The following E2F3 variants were observed in gnomAD, a reference collection of about 807,000 sequenced individuals.
The protein encoded by E2F3 is transcription factor E2F3.
Under a neutral mutation model 44.4 loss-of-function variants are expected in E2F3, and 11 were observed. The observed-to-expected ratio is 0.25, with a 90% CI of 0.16 to 0.41. The LOEUF (loss-of-function observed/expected upper bound fraction) is 0.41. E2F3 is among the 10% of genes least tolerant of loss of function. E2F3 has a pLI of 1.00. For synonymous variants in E2F3, 249 were observed against 253.0 expected, an observed-to-expected ratio of 0.98 and a Z score of 0.15; for missense variants, 487 against 583.6, an observed-to-expected ratio of 0.83 and a Z score of 1.70.
rs1226610718 is a variant in E2F3 at position 20,415,663 on chromosome 6, A to G, written c.393+13038A>G. On this transcript the variant is annotated intron_variant, in intron 1 of 6. Coordinates refer to ENST00000346618, the MANE Select transcript of E2F3 (RefSeq NM_001949.5). Reference sequence around the variant, plus strand: ...ATAGTACATATTTAAATTTTAAAATATGATATACATTTTAAAAGCAACGGA... The same window carrying G: ...ATAGTACATATTTAAATTTTAAAATGTGATATACATTTTAAAAGCAACGGA... Among the ~76,000 whole-genome samples, 9 of 152,342 alleles carry G rather than the reference A, an allele frequency of 5.9e-5. No homozygotes were observed. In the East Asian group the frequency reaches 1.7e-3, roughly 29 times the overall value.
At chr6:20,445,974 G>A (rs1469358946) in intron 1 of E2F3, among the ~76,000 whole-genome samples, 1 of 152,170 alleles carries the variant, frequency 6.6e-6, no homozygotes, top group Non-Finnish European at 1.5e-5. Context: ...GAGCACATTC[G>A]TACACAGCCA....
intron 1 of E2F3, among the ~76,000 whole-genome samples, chr6:20,406,774 G>T (rs1460741927): frequency 6.6e-6 from 1 of 152,130 alleles, no homozygotes; most frequent in Non-Finnish European, 1.5e-5. Context: ...AGCGGCTTTT[G>T]TTAGACCTGA....
chr6:20,425,003 G>A (rs551664877), intron 1 of E2F3, among the ~76,000 whole-genome samples: 1 of 152,326 alleles, frequency 6.6e-6, no homozygotes, highest in South Asian at 2.1e-4. Flanking sequence ...GGGTTATCAG[G>A]TGTTTCTCCA....
chr6:20,464,702 TA>T (rs2127609885), intron 1 of E2F3, among the ~76,000 whole-genome samples: 1 of 152,308 alleles, frequency 6.6e-6, no homozygotes, highest in East Asian at 1.9e-4. Context: ...CAGTACTATG[TA>T]GGGGGAGCAT....
intron 4 of E2F3, among the ~76,000 whole-genome samples, chr6:20,486,007 A>G (rs992030672): frequency 6.6e-6 from 1 of 152,138 alleles, no homozygotes; most frequent in African/African-American, 2.4e-5. Flanking sequence ...ATTCAGTTTG[A>G]GTGACAGAAC....
At chr6:20,447,952 T>C (rs945594484) in intron 1 of E2F3, among the ~76,000 whole-genome samples, 4 of 152,176 alleles carry the variant, frequency 2.6e-5, no homozygotes, top group African/African-American at 9.7e-5. Context: ...ACACAGTGGG[T>C]TAGAGCCATA....
At chr6:20,428,740 G>A (rs1364226290) in intron 1 of E2F3, among the ~76,000 whole-genome samples, 2 of 152,074 alleles carry the variant, frequency 1.3e-5, no homozygotes, top group Non-Finnish European at 2.9e-5. Context: ...AAAGAGTTAG[G>A]GGCATCTTTA....
At chr6:20,444,937 G>A (rs1028637809) in intron 1 of E2F3, among the ~76,000 whole-genome samples, 4 of 152,242 alleles carry the variant, frequency 2.6e-5, no homozygotes, top group African/African-American at 9.6e-5. Flanking sequence ...GCTGGGGACA[G>A]CCGTTTTGTC....
rs1759503178 is a variant in E2F3, at chr6:20,406,645, G to A, written c.393+4020G>A. ...TATATAGAGATAGTGGTGTTGAACT[G>A]CCAAGCATATGCCTTGAATTGTGAC... On this transcript the variant is annotated intron_variant, in intron 1 of 6. Coordinates refer to ENST00000346618, the MANE Select transcript of E2F3 (RefSeq NM_001949.5). Among the ~76,000 whole-genome samples, 4 of 152,160 alleles carry A rather than the reference G, an allele frequency of 2.6e-5. No individual in the cohort carries two copies. In the South Asian group the frequency reaches 8.3e-4, roughly 32 times the overall value.
chr6:20,446,137 T>TC (rs1014884771), intron 1 of E2F3, among the ~76,000 whole-genome samples: 2 of 149,840 alleles, frequency 1.3e-5, no homozygotes, highest in African/African-American at 4.9e-5. Flanking sequence ...CCAGGAATCC[T>TC]TTTTTTTTTC....
chr6:20,402,606 G>A lies in E2F3; in HGVS notation c.374G>A (p.Gly125Asp), dbSNP rs1759343546. Residue 125 changes from glycine to aspartate, a missense_variant, in exon 1 of 7, where the codon GGC (glycine) becomes GAC (aspartate). This residue lies in a region of E2F3 where 238 missense variants were observed against 236.0 expected (regional missense o/e 1.01). Transcript: ENST00000346618. This position sits in a 1 kb window ranked among gnomAD's most constrained non-coding sequence, Gnocchi z 5.6. ...QPPALGRGGS[G>D]GGGGPPAKRR... ...CCAGCGCTGGGACGCGGCGGCAGCG[G>A]CGGCGGCGGCGGCCCTCCGGTAATA... The A allele has an allele frequency of 6.0e-6, 8 of 1,341,060 alleles. No homozygotes were observed. The East Asian group carries it at 2.5e-4, about 42-fold the overall frequency. 83.1% of individuals were successfully genotyped at this position (1,341,060 alleles called of 1,614,324 possible).
rs145022711 is a variant in E2F3 at position 20,422,546 on chromosome 6, C to T, written c.393+19921C>T. Among the ~76,000 whole-genome samples, 33 of 152,296 alleles carry T rather than the reference C, an allele frequency of 2.2e-4. No individual in the cohort carries two copies. The East Asian group carries it at 2.3e-3, about 11-fold the overall frequency. ...GTTTTTTGCCTATTTCAGGTTTTGA[C>T]GTACATTTCCTCACCAAGCTTAATA... On this transcript the variant is annotated intron_variant, in intron 1 of 6. Coordinates refer to ENST00000346618, the MANE Select transcript of E2F3 (RefSeq NM_001949.5).
At chr6:20,456,363 T>G (rs754150587) in intron 1 of E2F3, among the ~76,000 whole-genome samples, 25 of 152,066 alleles carry the variant, frequency 1.6e-4, no homozygotes, top group Non-Finnish European at 3.1e-4. Context: ...CAAGGAGAAT[T>G]ATACAATGGA....
intron 2 of E2F3, among the ~76,000 whole-genome samples, chr6:20,480,346 C>T (rs1352461093): frequency 7.9e-5 from 12 of 152,204 alleles, no homozygotes; most frequent in Non-Finnish European, 1.2e-4. Flanking sequence ...ATCTCCAGCT[C>T]AGCATATGAT....
chr6:20,462,757 C>T (rs886729539), intron 1 of E2F3, among the ~76,000 whole-genome samples: 25 of 151,758 alleles, frequency 1.6e-4, no homozygotes, highest in African/African-American at 5.1e-4. Flanking sequence ...CACACCCTGC[C>T]TAGTTCACTA....
intron 1 of E2F3, among the ~76,000 whole-genome samples, chr6:20,468,805 C>T (rs1295112955): frequency 6.6e-6 from 1 of 152,174 alleles, no homozygotes; most frequent in African/African-American, 2.4e-5. Context: ...GCCTACCTTA[C>T]ACCAAGACTG....
intron 1 of E2F3, among the ~76,000 whole-genome samples, chr6:20,478,402 A>G (rs1267029956): frequency 3.3e-5 from 5 of 152,262 alleles, no homozygotes; most frequent in Admixed American, 1.3e-4. Flanking sequence ...ACCAGTGGCT[A>G]TCGTAGTAGA....
At chr6:20,485,202 A>T (rs2127624587) in intron 4 of E2F3, among the ~76,000 whole-genome samples, 1 of 152,294 alleles carries the variant, frequency 6.6e-6, no homozygotes, top group Non-Finnish European at 1.5e-5. Context: ...TACTTTTGTC[A>T]TATCGTAAGT....
At chr6:20,404,291 G>C (rs1220889027) in intron 1 of E2F3, among the ~76,000 whole-genome samples, 2 of 152,180 alleles carry the variant, frequency 1.3e-5, no homozygotes, top group South Asian at 4.1e-4. Flanking sequence ...ATTTAGGTCA[G>C]TATGCGGCTT....
Sources: allele counts gnomAD v4.1 joint callset (sites outside exome capture counted in the v4.1 genomes callset), GRCh38; gene constraint gnomAD v4.1.1; regional missense constraint gnomAD v4.1.1; non-coding constraint Gnocchi (gnomAD v3.1); transcripts MANE v1.5; gene names NCBI Gene and HGNC (gene_info 2026-07-23, HGNC 2026-07-21).